Variants in CSMD3 observed in about 807,000 individuals in gnomAD.
CSMD3 encodes the protein CUB and sushi domain-containing protein 3.
A neutral mutation model predicts 435.2 loss-of-function variants in CSMD3; 177 were observed. The observed-to-expected ratio is 0.41, with a 90% confidence interval of 0.36 to 0.46. The LOEUF is 0.46. CSMD3 is among the 20% of genes least tolerant of loss of function. The pLI is 0.34. For missense variants in CSMD3, 4,265 were observed against 4,504.6 expected, an observed-to-expected ratio of 0.95 and a Z score of 1.52; for synonymous variants, 1,656 against 1,520.5, an observed-to-expected ratio of 1.09 and a Z score of -2.07.
chr8:113,104,576 A>C (rs912518817), intron 4 of CSMD3, among the ~76,000 whole-genome samples: 1 of 152,110 alleles, frequency 6.6e-6, no homozygotes, highest in South Asian at 2.1e-4. Flanking sequence ...CTGGGTAAAT[A>C]ACTGGTAAAT....
At chr8:112,728,407 A>C (rs2077009934) in intron 13 of CSMD3, among the ~76,000 whole-genome samples, 1 of 152,040 alleles carries the variant, frequency 6.6e-6, no homozygotes, top group Non-Finnish European at 1.5e-5. Flanking sequence ...AAATATCAAT[A>C]GAGGTTAATT....
At chr8:112,964,459 A>T (rs2084344688) in intron 7 of CSMD3, among the ~76,000 whole-genome samples, 1 of 151,962 alleles carries the variant, frequency 6.6e-6, no homozygotes. Context: ...CAACTATCTG[A>T]TGATAGTGCC....
At chr8:112,357,688 G>A (rs1826766180) in intron 38 of CSMD3, among the ~76,000 whole-genome samples, 1 of 152,092 alleles carries the variant, frequency 6.6e-6, no homozygotes. Flanking sequence ...TCAAGCCTTG[G>A]CAGCTTCCAC....
At chr8:113,081,919 C>A (rs1271955287) in intron 5 of CSMD3, among the ~76,000 whole-genome samples, 2 of 152,114 alleles carry the variant, frequency 1.3e-5, no homozygotes, top group Non-Finnish European at 2.9e-5. Context: ...AGCCACGTAC[C>A]CGGACCTGCA....
intron 1 of CSMD3, among the ~76,000 whole-genome samples, chr8:113,369,583 T>C (rs1346940206): frequency 6.6e-6 from 1 of 151,948 alleles, no homozygotes; most frequent in Non-Finnish European, 1.5e-5. Context: ...TAAATCAGTA[T>C]GTCAAAGAGA....
chr8:112,968,645 C>T (rs2084519133), intron 7 of CSMD3, among the ~76,000 whole-genome samples: 1 of 151,920 alleles, frequency 6.6e-6, no homozygotes, highest in Admixed American at 6.6e-5. Context: ...ACATGCCATA[C>T]CCATTCTGTG....
chr8:112,403,389 A>G (rs1198203982), intron 35 of CSMD3, among the ~76,000 whole-genome samples: 2 of 152,212 alleles, frequency 1.3e-5, no homozygotes, highest in Non-Finnish European at 2.9e-5. Flanking sequence ...ATTGCAACAA[A>G]TATGTATTTA....
At chr8:112,878,968 C>A (rs186658863) in intron 10 of CSMD3, among the ~76,000 whole-genome samples, 2 of 152,044 alleles carry the variant, frequency 1.3e-5, no homozygotes, top group Non-Finnish European at 2.9e-5. Flanking sequence ...GTGATGATTG[C>A]GTTAACTGCA....
chr8:113,065,833 T>C (rs1275710995), intron 5 of CSMD3, among the ~76,000 whole-genome samples: 3 of 152,146 alleles, frequency 2.0e-5, no homozygotes, highest in Non-Finnish European at 4.4e-5. Context: ...TTCAAGTCAA[T>C]AGTTTTTATA....
At chr8:113,009,272 C>T (rs1481454534) in intron 6 of CSMD3, among the ~76,000 whole-genome samples, 1 of 151,616 alleles carries the variant, frequency 6.6e-6, no homozygotes, top group Non-Finnish European at 1.5e-5. Context: ...TTTTATGTTA[C>T]TGACATTGGG....
intron 32 of CSMD3, among the ~76,000 whole-genome samples, chr8:112,458,032 A>G (rs979685321): frequency 5.9e-5 from 9 of 152,246 alleles, no homozygotes; most frequent in Admixed American, 5.9e-4. Flanking sequence ...TTGCATTTTC[A>G]GTAAATACAT....
chr8:113,142,907 A>G (rs998089349), intron 4 of CSMD3, among the ~76,000 whole-genome samples: 4 of 150,220 alleles, frequency 2.7e-5, no homozygotes, highest in African/African-American at 9.7e-5. Flanking sequence ...GTACATGCAA[A>G]AATTAAAAGT....
At chr8:112,413,865 G>T (rs1384890100) in intron 32 of CSMD3, among the ~76,000 whole-genome samples, 1 of 152,012 alleles carries the variant, frequency 6.6e-6, no homozygotes, top group Non-Finnish European at 1.5e-5. Context: ...GTCTGTCTTT[G>T]CATTGTCCAA....
At chr8:112,950,411 C>T (rs2083766568) in intron 8 of CSMD3, among the ~76,000 whole-genome samples, 2 of 151,750 alleles carry the variant, frequency 1.3e-5, no homozygotes, top group African/African-American at 2.4e-5. Flanking sequence ...TGACATATAA[C>T]ACAGATTATA....
chr8:112,332,719 T>C (rs1216933431), intron 45 of CSMD3, among the ~76,000 whole-genome samples: 1 of 152,126 alleles, frequency 6.6e-6, no homozygotes, highest in Non-Finnish European at 1.5e-5. Context: ...GCTCTGGCAA[T>C]TTTTTTGCAC....
chr8:113,056,955 A>G (rs2088369856), intron 5 of CSMD3, among the ~76,000 whole-genome samples: 1 of 152,138 alleles, frequency 6.6e-6, no homozygotes, highest in Admixed American at 6.6e-5. Flanking sequence ...GTAATTTTAC[A>G]TTTACTACTT....
At position 113,084,498 on chromosome 8, in the gene CSMD3, A is replaced by T. The variant is rs566997215; in HGVS notation, c.917+14258T>A. Among the ~76,000 whole-genome samples, 689 of 152,078 alleles carry T rather than the reference A, an allele frequency of 4.5e-3. 4 individuals carry two copies. The highest frequency in any genetic ancestry group is 7.1e-3 in the Non-Finnish European group (481 of 67,964). On this transcript the variant is annotated intron_variant, in intron 5 of 70. Coordinates refer to ENST00000297405, the MANE Select transcript of CSMD3 (RefSeq NM_198123.2). ...TATCCCATGCTCATGGATTGGAAAA[A>T]TTAAACATGCTAAAATGACCATACA...
intron 16 of CSMD3, among the ~76,000 whole-genome samples, chr8:112,675,064 G>T (rs1314220792): frequency 6.6e-6 from 1 of 152,084 alleles, no homozygotes; most frequent in African/African-American, 2.4e-5. Context: ...CTCTGGAGGG[G>T]TGTCTTGTCC....
chr8:112,562,707 G>A (rs1209042618), intron 24 of CSMD3, among the ~76,000 whole-genome samples: 1 of 151,398 alleles, frequency 6.6e-6, no homozygotes, highest in Non-Finnish European at 1.5e-5. Context: ...TAATTTGGGG[G>A]AACTATATTT....
Sources: allele counts gnomAD v4.1 joint callset (sites outside exome capture counted in the v4.1 genomes callset), GRCh38; gene constraint gnomAD v4.1.1; transcripts MANE v1.5; gene names NCBI Gene and HGNC (gene_info 2026-07-23, HGNC 2026-07-21).